NEDD4L: variants seen among roughly 807,000 people sequenced by gnomAD.
The protein encoded by NEDD4L is NEDD4 like E3 ubiquitin protein ligase.
Under a neutral mutation model 148.9 loss-of-function variants are expected in NEDD4L, and 54 were observed. That is an observed-to-expected ratio of 0.36 (90% CI 0.29 to 0.45). NEDD4L has a LOEUF of 0.45. NEDD4L is among the 20% of genes least tolerant of loss of function. The probability of loss-of-function intolerance (pLI) is 1.00; values close to 1 mark genes in which losing one functional copy is unlikely to be tolerated. For synonymous variants in NEDD4L, 433 were observed against 440.7 expected, an observed-to-expected ratio of 0.98 and a Z score of 0.22; for missense variants, 856 against 1,233.8, an observed-to-expected ratio of 0.69 and a Z score of 4.59.
At chr18:58,074,165 T>G (rs2083038733) in intron 1 of NEDD4L, among the ~76,000 whole-genome samples, 1 of 152,108 alleles carries the variant, frequency 6.6e-6, no homozygotes. Flanking sequence ...CAGGTGAGCT[T>G]AAGTTTCCAT....
chr18:58,370,282 T>G (rs1297664364), intron 22 of NEDD4L, 115 bp from the exon 23 acceptor site: 2 of 703,578 alleles, frequency 2.8e-6, no homozygotes, highest in Non-Finnish European at 5.1e-6. Flanking sequence ...AGGCCCTTGG[T>G]TACTCCTTCA....
At chr18:58,362,828 A>G (rs1262910288) in intron 19 of NEDD4L, among the ~76,000 whole-genome samples, 1 of 152,272 alleles carries the variant, frequency 6.6e-6, no homozygotes, top group African/African-American at 2.4e-5. Flanking sequence ...TTGGTAGAGC[A>G]GAAAACATGA....
intron 1 of NEDD4L, among the ~76,000 whole-genome samples, chr18:58,125,599 C>T (rs1156638919): frequency 2.0e-5 from 3 of 152,146 alleles, no homozygotes; most frequent in African/African-American, 7.2e-5. Context: ...GTCACCACCC[C>T]ACTGCCAGCC....
At chr18:58,096,930 G>A (rs1019591347) in intron 1 of NEDD4L, among the ~76,000 whole-genome samples, 3 of 152,156 alleles carry the variant, frequency 2.0e-5, no homozygotes, top group African/African-American at 7.2e-5. Context: ...GTGGAAGAAT[G>A]GCAGGTGGCA....
intron 2 of NEDD4L, among the ~76,000 whole-genome samples, chr18:58,180,108 A>C (rs2038672136): frequency 6.6e-6 from 1 of 152,176 alleles, no homozygotes. Flanking sequence ...TGCCTGGGCA[A>C]ACACTTCGGT....
At chr18:58,328,973 TC>T (rs759833249) in intron 9 of NEDD4L, 21 bp from the exon 10 acceptor site, 1 of 1,613,580 alleles carries the variant, frequency 6.2e-7, no homozygotes, top group Non-Finnish European at 8.5e-7. Flanking sequence ...TTCTTCTCTT[TC>T]CCCCTTTCCT....
chr18:58,341,164 A>G lies in NEDD4L; in HGVS notation c.1252A>G (p.Met418Val), dbSNP rs757583506. The G allele has an allele frequency of 5.0e-6, 8 of 1,612,648 alleles. No homozygotes were observed. Among genetic ancestry groups the G allele is most frequent in the Non-Finnish European group, 5.9e-6 (7 of 1,179,452 alleles). Residue 418 changes from methionine (M) to valine (V), a missense_variant, in exon 14 of 31, where the codon ATG becomes GTG. Physicochemically the swap from Met to Val is conservative, Grantham distance 21 (BLOSUM62 1). Coordinates refer to ENST00000400345, the MANE Select transcript of NEDD4L (RefSeq NM_001144967.3). The part of the protein sequence containing the change: ...NRTTTWTRPI[M>V]QLAEDGASGS... Reference sequence around the variant, plus strand: ...AACCACAACTTGGACTCGACCTATCATGCAGGTACGAAGATTGCCATCCAA... The same window carrying G: ...AACCACAACTTGGACTCGACCTATCGTGCAGGTACGAAGATTGCCATCCAA...
intron 2 of NEDD4L, among the ~76,000 whole-genome samples, chr18:58,188,636 A>G (rs1344980931): frequency 2.0e-5 from 3 of 152,236 alleles, no homozygotes; most frequent in African/African-American, 7.2e-5. Context: ...CTCTGGTCCC[A>G]CAGCTTCTGC....
chr18:58,143,903 C>G (rs1396659542), intron 1 of NEDD4L, among the ~76,000 whole-genome samples: 1 of 152,044 alleles, frequency 6.6e-6, no homozygotes, highest in Non-Finnish European at 1.5e-5. Context: ...GGGCATTTTC[C>G]CTGTGGCCTG....
At chr18:58,253,262 C>T (rs1290211284) in intron 5 of NEDD4L, among the ~76,000 whole-genome samples, 2 of 152,212 alleles carry the variant, frequency 1.3e-5, no homozygotes, top group Admixed American at 1.3e-4. Flanking sequence ...ACACATCAGT[C>T]AGTGGAGGTG....
intron 2 of NEDD4L, among the ~76,000 whole-genome samples, chr18:58,187,671 A>G (rs2039625045): frequency 1.3e-5 from 2 of 152,214 alleles, no homozygotes; most frequent in Admixed American, 6.5e-5. Context: ...TCAAATTACC[A>G]GATACTTGAA....
chr18:58,082,385 CCTT>C (rs2083506379), intron 1 of NEDD4L, among the ~76,000 whole-genome samples: 1 of 149,976 alleles, frequency 6.7e-6, no homozygotes, highest in Non-Finnish European at 1.5e-5. Flanking sequence ...GGATTACAGG[CCTT>C]CTAATAAATA....
At chr18:58,263,141 A>G (rs1184014105) in intron 5 of NEDD4L, among the ~76,000 whole-genome samples, 1 of 152,174 alleles carries the variant, frequency 6.6e-6, no homozygotes. Context: ...GTATTCGGAA[A>G]CTTTGTATTG....
intron 1 of NEDD4L, among the ~76,000 whole-genome samples, chr18:58,073,727 T>A (rs1248036185): frequency 2.0e-5 from 3 of 152,136 alleles, no homozygotes; most frequent in Admixed American, 6.5e-5. Context: ...GTGATGGTAG[T>A]GGGTATAGAG....
chr18:58,164,991 ATC>A (rs2036668816), intron 1 of NEDD4L, among the ~76,000 whole-genome samples: 1 of 152,200 alleles, frequency 6.6e-6, no homozygotes, highest in African/African-American at 2.4e-5. Flanking sequence ...AACCTGAGTT[ATC>A]CTGGACTTCT....
At chr18:58,052,385 A>C (rs944721392) in intron 1 of NEDD4L, among the ~76,000 whole-genome samples, 7 of 152,194 alleles carry the variant, frequency 4.6e-5, no homozygotes, top group Admixed American at 3.3e-4. Context: ...TAATCCCTTT[A>C]GGTGAGAAAA....
intron 2 of NEDD4L, among the ~76,000 whole-genome samples, chr18:58,229,604 G>A (rs1204434218): frequency 6.6e-6 from 1 of 152,136 alleles, no homozygotes; most frequent in East Asian, 1.9e-4. Context: ...CACAATGAAT[G>A]TTTTCTCAAT....
chr18:58,220,796 T>A (rs1177537226), intron 2 of NEDD4L, among the ~76,000 whole-genome samples: 1 of 152,174 alleles, frequency 6.6e-6, no homozygotes, highest in African/African-American at 2.4e-5. Flanking sequence ...AGTAGCATAG[T>A]GCCCATCGCA....
chr18:58,195,329 G>A lies in NEDD4L; in HGVS notation c.122+29468G>A, dbSNP rs1249313048. The A allele has an allele frequency of 3.2e-6, 3 of 939,282 alleles. No individual in the cohort carries two copies. In the African/African-American group the frequency reaches 5.2e-5, roughly 16 times the overall value. 58.2% of individuals were successfully genotyped at this position (939,282 alleles called of 1,614,324 possible). A position where few individuals can be genotyped will look rare whatever the true frequency, so the allele number is the denominator to read the frequency against. On this transcript the variant is annotated intron_variant, in intron 2 of 30. Transcript: ENST00000400345. ...GGGCTGTGGTTTGAATTGCTTTTTT[G>A]TGTCTCTTGAATACACGAAGTTCCT... is the stretch of plus-strand genomic sequence containing the variant.
Sources: gnomAD v4.1 joint callset for allele counts (sites outside exome capture counted in the v4.1 genomes callset) on GRCh38, gnomAD v4.1.1 for gene constraint, MANE v1.5 for transcripts, NCBI Gene and HGNC (gene_info 2026-07-23, HGNC 2026-07-21) for gene names.